LPP: variants seen among roughly 807,000 people sequenced by gnomAD.
LPP encodes the protein lipoma-preferred partner.
Under a neutral mutation model 60.4 loss-of-function variants are expected in LPP, and 38 were observed. The ratio of observed to expected loss-of-function variants is 0.63; its 90% confidence interval spans 0.49 to 0.83. LPP has a LOEUF of 0.83. LPP is among the 40% of genes least tolerant of loss of function. The pLI, the probability that LPP is intolerant of heterozygous loss-of-function variation, is 0.00. For synonymous variants in LPP, 328 were observed against 290.8 expected (o/e 1.13, Z -1.30); for missense variants, 902 against 783.6 (o/e 1.15, Z -1.80).
intron 9 of LPP, among the ~76,000 whole-genome samples, chr3:188,847,033 A>G (rs948519311): frequency 4.6e-5 from 7 of 152,232 alleles, no homozygotes; most frequent in Non-Finnish European, 8.8e-5. Flanking sequence ...TTTAATGTAA[A>G]CTAGTTGCAA....
Position 188,809,591 on chromosome 3 carries a change from G to A in LPP, c.1410+49309G>A, listed in dbSNP as rs553831533. On this transcript the variant is annotated intron_variant, in intron 9 of 11. Coordinates refer to ENST00000617246, the MANE Select transcript of LPP (RefSeq NM_001375462.1). Reference sequence around the variant, plus strand: ...GATTCTGGATGTTAGACGTTTGTCAGATGGATAGATTGCAAAAATTTTCTC... The same window carrying A: ...GATTCTGGATGTTAGACGTTTGTCAAATGGATAGATTGCAAAAATTTTCTC... Among the ~76,000 whole-genome samples the A allele has an allele frequency of 3.9e-5, 6 of 152,300 alleles. No homozygotes were observed. The South Asian group carries it at 1.2e-3, about 32-fold the overall frequency.
intron 9 of LPP, among the ~76,000 whole-genome samples, chr3:188,795,373 A>G (rs1411664322): frequency 6.6e-6 from 1 of 152,320 alleles, no homozygotes; most frequent in South Asian, 2.1e-4. Flanking sequence ...TAGCCAGTGC[A>G]TTCCACGTGG....
chr3:188,878,085 G>A lies in LPP; in HGVS notation c.*3606G>A, dbSNP rs1479250635. On this transcript the variant is annotated 3_prime_UTR_variant, in exon 12 of 12. Coordinates refer to ENST00000617246, the MANE Select transcript of LPP (RefSeq NM_001375462.1). ...AGAGGGCTTTTTCCATGGGGCTATA[G>A]TAGAGAGTTAGTGGAATATAGACAG... 4 of 220,734 alleles carry A rather than the reference G, an allele frequency of 1.8e-5. No homozygotes were observed. The highest frequency in any genetic ancestry group is 3.6e-5 in the Non-Finnish European group (4 of 109,852). 13.7% of individuals were successfully genotyped at this position (220,734 alleles called of 1,614,324 possible). A position where few individuals can be genotyped will look rare whatever the true frequency, so the allele number is the denominator to read the frequency against.
intron 9 of LPP, among the ~76,000 whole-genome samples, chr3:188,841,392 TG>T (rs149703853): frequency 1.2e-4 from 15 of 123,200 alleles, no homozygotes; most frequent in African/African-American, 4.9e-4. Context: ...TTTCTGAATT[TG>T]TTTTTTTTTT....
chr3:188,555,039 G>A (rs1829139428), intron 6 of LPP, among the ~76,000 whole-genome samples: 1 of 152,106 alleles, frequency 6.6e-6, no homozygotes, highest in Admixed American at 6.6e-5. Context: ...GTTAAGAAAA[G>A]CCTTAAGAGG....
At chr3:188,721,826 A>C (rs1156735050) in intron 8 of LPP, among the ~76,000 whole-genome samples, 3 of 152,140 alleles carry the variant, frequency 2.0e-5, no homozygotes, top group East Asian at 3.9e-4. Context: ...TGCCGGCCTG[A>C]TACTGTCCCA....
chr3:188,738,639 C>T (rs924460343), intron 8 of LPP, among the ~76,000 whole-genome samples: 1 of 152,072 alleles, frequency 6.6e-6, no homozygotes, highest in Non-Finnish European at 1.5e-5. Flanking sequence ...CTTTTCATCA[C>T]GAATGTAAAA....
chr3:188,795,698 A>G (rs4686994), intron 9 of LPP, among the ~76,000 whole-genome samples: 40,550 of 152,002 alleles, frequency 0.27, 6,725 homozygotes, highest in East Asian at 0.78. Context: ...TTTCATCATC[A>G]TCATCATCAT....
At chr3:188,783,215 T>A (rs1577519113) in intron 9 of LPP, among the ~76,000 whole-genome samples, 1 of 152,164 alleles carries the variant, frequency 6.6e-6, no homozygotes, top group South Asian at 2.1e-4. Context: ...TATTGCTTTA[T>A]CCCTTCCTTC....
In LPP at chr3:188,884,072, C is replaced by A; in HGVS notation, c.*9593C>A. The A allele has an allele frequency of 4.5e-6, 1 of 223,054 alleles. No homozygotes were observed. The highest frequency in any genetic ancestry group is 8.9e-6 in the Non-Finnish European group (1 of 111,740). 13.8% of individuals were successfully genotyped at this position (223,054 alleles called of 1,614,324 possible). Reference sequence around the variant, plus strand: ...ACTGCCATCAGTCTCCTGGGCAGGACCTGGAGGTAACTTTCTGAGCTGTAA... The same window carrying A: ...ACTGCCATCAGTCTCCTGGGCAGGAACTGGAGGTAACTTTCTGAGCTGTAA... On this transcript the variant is annotated 3_prime_UTR_variant, in exon 12 of 12. Coordinates refer to ENST00000617246, the MANE Select transcript of LPP (RefSeq NM_001375462.1).
chr3:188,810,558 C>A (rs6787469), intron 9 of LPP, among the ~76,000 whole-genome samples: 4,786 of 152,092 alleles, frequency 0.031, 240 homozygotes, highest in African/African-American at 0.11. Flanking sequence ...TTAGTTATTG[C>A]TATTAATCTT....
intron 9 of LPP, among the ~76,000 whole-genome samples, chr3:188,789,648 GC>G (rs375909279): frequency 1.3e-5 from 2 of 151,614 alleles, no homozygotes; most frequent in East Asian, 3.9e-4. Context: ...TTGGAAACCA[GC>G]TCACTTACTT....
intron 8 of LPP, among the ~76,000 whole-genome samples, chr3:188,753,429 A>G (rs1222997243): frequency 6.6e-6 from 1 of 152,092 alleles, no homozygotes; most frequent in East Asian, 1.9e-4. Context: ...CTATAAATGA[A>G]TCACATCGTG....
intron 9 of LPP, among the ~76,000 whole-genome samples, chr3:188,822,016 C>A (rs533572099): frequency 9.2e-5 from 14 of 152,162 alleles, no homozygotes; most frequent in African/African-American, 3.1e-4. Context: ...TCCCTGATAT[C>A]TCATTTTTCT....
At chr3:188,864,445 C>G (rs1232474385) in intron 9 of LPP, among the ~76,000 whole-genome samples, 2 of 152,244 alleles carry the variant, frequency 1.3e-5, no homozygotes, top group African/African-American at 4.8e-5. Context: ...GACATAGTCT[C>G]TGCCCCTAAT....
At chr3:188,694,899 A>G (rs1306343891) in intron 7 of LPP, among the ~76,000 whole-genome samples, 1 of 152,152 alleles carries the variant, frequency 6.6e-6, no homozygotes, top group African/African-American at 2.4e-5. Context: ...ATGTATGTGA[A>G]ATTCCACTAC....
At chr3:188,310,164 G>T (rs1309946929) in intron 2 of LPP, among the ~76,000 whole-genome samples, 4 of 150,840 alleles carry the variant, frequency 2.7e-5, no homozygotes, top group Admixed American at 6.6e-5. Context: ...AGAGAAAGGG[G>T]TTCTTTATTT....
At chr3:188,440,703 A>C (rs1793560454) in intron 4 of LPP, among the ~76,000 whole-genome samples, 1 of 152,154 alleles carries the variant, frequency 6.6e-6, no homozygotes, top group Admixed American at 6.5e-5. Context: ...AGGTTATCTT[A>C]ATTAGTATCA....
chr3:188,299,489 G>C (rs968473358), intron 2 of LPP, among the ~76,000 whole-genome samples: 2 of 152,134 alleles, frequency 1.3e-5, no homozygotes, highest in Non-Finnish European at 2.9e-5. Flanking sequence ...GTCAGACTGT[G>C]TCTTTTTTTA....
Sources: gnomAD v4.1 joint callset for allele counts (sites outside exome capture counted in the v4.1 genomes callset) on GRCh38, gnomAD v4.1.1 for gene constraint, MANE v1.5 for transcripts, NCBI Gene and HGNC (gene_info 2026-07-23, HGNC 2026-07-21) for gene names.